The following ACRBP variants were observed in gnomAD, a reference collection of about 807,000 sequenced individuals.
ACRBP encodes acrosin-binding protein.
Under a neutral mutation model 69.0 loss-of-function variants are expected in ACRBP, and 52 were observed. The observed-to-expected ratio is 0.75, with a 90% CI of 0.60 to 0.95. ACRBP has a LOEUF of 0.95. ACRBP is among the 40% of genes least tolerant of loss of function. ACRBP has a pLI of 0.00. For synonymous variants in ACRBP, 267 were observed against 258.9 expected (o/e 1.03, Z -0.30); for missense variants, 604 against 673.0 (o/e 0.90, Z 1.13).
chr12:6,646,401 G>A, intron 3 of ACRBP, 82 bp downstream of exon 3: 2 of 1,302,098 alleles, frequency 1.5e-6, no homozygotes, highest in Non-Finnish European at 2.2e-6. Flanking sequence ...TGACTCTCCT[G>A]GAACCCTTCC....
chr12:6,638,761 T>C, intron 9 of ACRBP, 193 bp downstream of exon 9: 2 of 1,441,534 alleles, frequency 1.4e-6, no homozygotes, highest in Non-Finnish European at 1.8e-6. Flanking sequence ...ACCAGCTGCC[T>C]AGGAGGGCCT....
intron 3 of ACRBP, 81 bp downstream of exon 3, chr12:6,646,402 G>C: frequency 7.7e-7 from 1 of 1,304,798 alleles, no homozygotes; most frequent in Non-Finnish European, 1.1e-6. Context: ...GACTCTCCTG[G>C]AACCCTTCCT....
In ACRBP at chr12:6,643,674, G is replaced by A; in HGVS notation, c.945-3C>T. The A allele has an allele frequency of 6.2e-7, 1 of 1,613,782 alleles. No homozygotes were observed. The highest frequency in any genetic ancestry group is 8.5e-7 in the Non-Finnish European group (1 of 1,179,738). On this transcript the variant is annotated splice_polypyrimidine_tract_variant and splice_region_variant and intron_variant, in intron 5 of 9. Coordinates refer to ENST00000229243, the MANE Select transcript of ACRBP (RefSeq NM_032489.3). ...CTGTGTGGGGCAGCTGCAGGAGGCT[G>A]CAAGAAGACAGCACTGAGGGTGGGG...
At chr12:6,638,742 C>CTG in intron 9 of ACRBP, 1 of 1,434,410 alleles carries the variant, frequency 7.0e-7, no homozygotes, top group Non-Finnish European at 9.1e-7. Context: ...GGACCCTCCT[C>CTG]TGTTATCCAC....
At chr12:6,644,908 G>C (rs145600228) in intron 4 of ACRBP, among the ~76,000 whole-genome samples, 2 of 152,272 alleles carry the variant, frequency 1.3e-5, no homozygotes, top group African/African-American at 2.4e-5. Flanking sequence ...GTAGCTAGCA[G>C]TCAATCCTTT....
At position 6,644,436 on chromosome 12, in the gene ACRBP, CT is replaced by C. The variant is rs1249884832; in HGVS notation, c.644del (p.Glu215GlyfsTer61). The C allele has an allele frequency of 1.2e-6, 2 of 1,614,090 alleles. No homozygotes were observed. The highest frequency in any genetic ancestry group is 2.2e-5 in the South Asian group (2 of 91,072). On this transcript the variant is annotated frameshift_variant, in exon 5 of 10. Coordinates refer to ENST00000229243, the MANE Select transcript of ACRBP (RefSeq NM_032489.3). LOFTEE classifies it high-confidence loss of function. ...CTTCTTGCTCTTCCTGTTTCTGCCC[CT>C]CTTCCTGCTTGTGTTCTTGTGTCGG... is the stretch of plus-strand genomic sequence containing the variant. ...QEPTQEHKQE[E>X]GQKQEEQEEE... is the part of the protein sequence containing the mutation.
intron 5 of ACRBP, 85 bp downstream of exon 5, chr12:6,644,052 G>T: frequency 6.6e-7 from 1 of 1,516,050 alleles, no homozygotes. Flanking sequence ...GGATCTGGAG[G>T]CTGAAGCTAG....
chr12:6,639,772 G>A (rs1279107533), intron 8 of ACRBP, among the ~76,000 whole-genome samples: 1 of 152,220 alleles, frequency 6.6e-6, no homozygotes, highest in Admixed American at 6.5e-5. Flanking sequence ...TGAGTAGGAA[G>A]TGACTTGATC....
intron 1 of ACRBP, 148 bp from the exon 2 acceptor site, chr12:6,647,160 A>T: frequency 9.1e-7 from 1 of 1,101,236 alleles, no homozygotes; most frequent in Non-Finnish European, 1.3e-6. Flanking sequence ...ACAGAGGCAA[A>T]GGTCCGGCCG....
chr12:6,645,340 G>A lies in ACRBP; in HGVS notation c.358-3C>T, dbSNP rs1204082717. On this transcript the variant is annotated splice_region_variant and splice_polypyrimidine_tract_variant and intron_variant, in intron 3 of 9. Transcript: ENST00000229243. Reference sequence around the variant, plus strand: ...ACTGGCTGGGAACACAGGACTCTCTGCAGGAAGAGAAGGAAAATGGGAAAG... The same window carrying A: ...ACTGGCTGGGAACACAGGACTCTCTACAGGAAGAGAAGGAAAATGGGAAAG... The A allele has an allele frequency of 6.2e-7, 1 of 1,606,990 alleles. No individual in the cohort carries two copies. The highest frequency in any genetic ancestry group is 1.3e-5 in the African/African-American group (1 of 74,758).
intron 8 of ACRBP, among the ~76,000 whole-genome samples, chr12:6,639,377 T>C (rs1949035168): frequency 6.6e-6 from 1 of 152,164 alleles, no homozygotes; most frequent in South Asian, 2.1e-4. Flanking sequence ...AGGATTTTTC[T>C]GGTAATGGTA....
intron 3 of ACRBP, among the ~76,000 whole-genome samples, chr12:6,646,125 A>ATTTTTTTTT (rs59626834): frequency 2.5e-5 from 3 of 121,428 alleles, no homozygotes; most frequent in East Asian, 2.2e-4. Flanking sequence ...AAGCCCGGCT[A>ATTTTTTTTT]TTTTTTTTTT....
chr12:6,644,607 T>C lies in ACRBP; in HGVS notation c.476-2A>G. 6.2e-7 allele frequency: 1 copy of C among 1,608,316 alleles called. No homozygotes were observed. The highest frequency in any genetic ancestry group is 8.5e-7 in the Non-Finnish European group (1 of 1,177,458). ...GCTGGAAGGTCTGGCGTTCTGTCACTACAGCAGGGTTTAGAGAGAAGGGAG... is the reference window on the plus strand; with the variant it reads ...GCTGGAAGGTCTGGCGTTCTGTCACCACAGCAGGGTTTAGAGAGAAGGGAG... On this transcript the variant is annotated splice_acceptor_variant, in intron 4 of 9. Coordinates refer to ENST00000229243, the MANE Select transcript of ACRBP (RefSeq NM_032489.3). LOFTEE classifies it high-confidence loss of function.
intron 9 of ACRBP, 89 bp downstream of exon 9, chr12:6,638,865 T>G: frequency 6.3e-7 from 1 of 1,591,354 alleles, no homozygotes; most frequent in Non-Finnish European, 8.6e-7. Context: ...ACATCCTAGC[T>G]GCTCGCAGAG....
chr12:6,645,158 G>A lies in ACRBP; in HGVS notation c.475+62C>T, dbSNP rs548191198. 65 of 1,332,492 alleles carry A rather than the reference G, an allele frequency of 4.9e-5. 1 individual carries two copies. The highest frequency in any genetic ancestry group is 2.1e-4 in the Middle Eastern group (1 of 4,658). The allele number at this position is 1,332,492 out of a possible 1,614,324, so 82.5% of individuals were successfully genotyped here. A position where few individuals can be genotyped will look rare whatever the true frequency, so the allele number is the denominator to read the frequency against. ...CATTTCCCTGCCATGGATGCCTTAC[G>A]TTGTGGGCTCTGGGAGTTGTGGGAG... On this transcript the variant is annotated intron_variant, in intron 4 of 9. Transcript: ENST00000229243.
In ACRBP at chr12:6,640,792, T is replaced by C. The variant is rs1949046965; in HGVS notation, c.1078-270A>G. ...CAAATCTTTATCACCAGCTCTGATCTCTCTCTTGGGCTCCAAATCCTCATT... is the reference window on the plus strand; with the variant it reads ...CAAATCTTTATCACCAGCTCTGATCCCTCTCTTGGGCTCCAAATCCTCATT... On this transcript the variant is annotated intron_variant, in intron 6 of 9. Transcript: ENST00000229243. The surrounding 1 kb of genome is among the most constrained non-coding windows in gnomAD (Gnocchi z 5.3). 6.6e-6 allele frequency among the ~76,000 whole-genome samples: 1 copy of C among 152,144 alleles called. No homozygotes were observed. The highest frequency in any genetic ancestry group is 1.5e-5 in the Non-Finnish European group (1 of 68,026).
At position 6,640,045 on chromosome 12, in the gene ACRBP, G is replaced by C. The variant is rs1949040098; in HGVS notation, c.1425+15C>G. 2 of 1,613,718 alleles carry C rather than the reference G, an allele frequency of 1.2e-6. No homozygotes were observed. The highest frequency in any genetic ancestry group is 1.7e-5 in the Admixed American group (1 of 59,962). ...AGGGTAGGGATGGGGCTGAGCTTTG[G>C]GGAAAGGTTCTAACCTTGGTAGGGA... On this transcript the variant is annotated intron_variant, in intron 8 of 9. Coordinates refer to ENST00000229243, the MANE Select transcript of ACRBP (RefSeq NM_032489.3). This position sits in a 1 kb window ranked among gnomAD's most constrained non-coding sequence, Gnocchi z 5.3.
intron 1 of ACRBP, 152 bp from the exon 2 acceptor site, chr12:6,647,164 C>A: frequency 9.0e-7 from 1 of 1,115,424 alleles, no homozygotes; most frequent in Non-Finnish European, 1.3e-6. Flanking sequence ...AGGCAAAGGT[C>A]CGGCCGCGGG....
Position 6,640,406 on chromosome 12 carries a change from G to A in ACRBP, c.1194C>T (p.Thr398=), listed in dbSNP as rs1375666497. Residue 398 remains threonine, a synonymous_variant, in exon 7 of 10, where the codon ACC becomes ACT. Transcript: ENST00000229243. The surrounding 1 kb of genome is among the most constrained non-coding windows in gnomAD (Gnocchi z 5.3). ...GGCTGACAAAGGGAGTCTTGTGGGA[G>A]GTGTCGCATTGTTGCCGCTGCAGGC... is the stretch of plus-strand genomic sequence containing the variant. ...EASLQRQQCD[T]SHKTPFVSPL... 6.8e-6 allele frequency: 11 copies of A among 1,614,096 alleles called. No homozygotes were observed. The highest frequency in any genetic ancestry group is 9.3e-6 in the Non-Finnish European group (11 of 1,180,052).
Sources: gnomAD v4.1 joint callset for allele counts (sites outside exome capture counted in the v4.1 genomes callset) on GRCh38, gnomAD v4.1.1 for gene constraint, Gnocchi (gnomAD v3.1) non-coding constraint, MANE v1.5 for transcripts, NCBI Gene and HGNC (gene_info 2026-07-23, HGNC 2026-07-21) for gene names.